The following ZBTB20 variants were observed in gnomAD, a reference collection of about 807,000 sequenced individuals.
ZBTB20 encodes the protein zinc finger and BTB domain-containing protein 20.
ZBTB20 carries 9 observed loss-of-function variants against 56.9 expected under a neutral mutation model. The ratio of observed to expected loss-of-function variants is 0.16; its 90% CI spans 0.10 to 0.28. The LOEUF (loss-of-function observed/expected upper bound fraction) is 0.28. Ranked by LOEUF, ZBTB20 falls within the 10% of genes least tolerant of loss-of-function variation. The pLI is 1.00. For missense variants in ZBTB20, 655 were observed against 1,003.0 expected, an observed-to-expected ratio of 0.65 and a Z score of 4.69; for synonymous variants, 417 against 420.7, an observed-to-expected ratio of 0.99 and a Z score of 0.11.
intron 6 of ZBTB20, among the ~76,000 whole-genome samples, chr3:114,532,867 A>C (rs747790986): frequency 9.9e-5 from 15 of 152,208 alleles, no homozygotes; most frequent in Non-Finnish European, 2.1e-4. Context: ...GTGGATGTCC[A>C]GCAAACTCCA....
intron 4 of ZBTB20, among the ~76,000 whole-genome samples, chr3:114,829,992 T>C (rs2073758480): frequency 6.6e-6 from 1 of 151,952 alleles, no homozygotes; most frequent in Admixed American, 6.6e-5. Context: ...TGATCCTCGA[T>C]ACAGTCTAGG....
intron 3 of ZBTB20, among the ~76,000 whole-genome samples, chr3:114,963,603 TA>T (rs1280558553): frequency 6.6e-6 from 1 of 152,208 alleles, no homozygotes; most frequent in Admixed American, 6.5e-5. Flanking sequence ...CTATACATAT[TA>T]AAAAATGTTT....
At chr3:114,742,092 T>C (rs779920214) in intron 5 of ZBTB20, among the ~76,000 whole-genome samples, 16 of 152,228 alleles carry the variant, frequency 1.1e-4, no homozygotes, top group Middle Eastern at 3.4e-3. Context: ...TTTTTAGACA[T>C]GTTTACAAAA....
intron 7 of ZBTB20, among the ~76,000 whole-genome samples, chr3:114,435,268 A>G (rs758106925): frequency 6.6e-6 from 1 of 152,142 alleles, no homozygotes; most frequent in Non-Finnish European, 1.5e-5. Context: ...TAGCAGCAAA[A>G]GGGAGGAAGA....
intron 1 of ZBTB20, among the ~76,000 whole-genome samples, chr3:115,103,339 G>A (rs1442877856): frequency 1.3e-5 from 2 of 152,162 alleles, no homozygotes; most frequent in African/African-American, 4.8e-5. Flanking sequence ...TTGTGGATAT[G>A]AACTAAATGA....
Position 115,041,536 on chromosome 3 carries a change from T to C in ZBTB20, c.-507+29683A>G, listed in dbSNP as rs2081141795. Among the ~76,000 whole-genome samples, 3 of 152,314 alleles carry C rather than the reference T, an allele frequency of 2.0e-5. No individual in the cohort carries two copies. The South Asian group carries it at 6.2e-4, about 32-fold the overall frequency. Reference sequence around the variant, plus strand: ...TCTGTGATAAACAGAGAGCAAATACTGTAAATTGGATTGTATATTCATTAA... The same window carrying C: ...TCTGTGATAAACAGAGAGCAAATACCGTAAATTGGATTGTATATTCATTAA... On this transcript the variant is annotated intron_variant, in intron 2 of 11. Transcript: ENST00000675478.
At chr3:114,976,622 G>A (rs766607891) in intron 2 of ZBTB20, among the ~76,000 whole-genome samples, 29 of 145,334 alleles carry the variant, frequency 2.0e-4, no homozygotes, top group Middle Eastern at 3.4e-3. Context: ...GCAAAACTCC[G>A]CCTCAAAAAA....
chr3:114,761,308 C>T (rs1578750449), intron 5 of ZBTB20, among the ~76,000 whole-genome samples: 1 of 152,080 alleles, frequency 6.6e-6, no homozygotes, highest in African/African-American at 2.4e-5. Context: ...ATGCTAGGGA[C>T]TAATCTAAGG....
At chr3:115,019,294 G>A (rs536248320) in intron 2 of ZBTB20, among the ~76,000 whole-genome samples, 2 of 151,224 alleles carry the variant, frequency 1.3e-5, no homozygotes, top group South Asian at 2.1e-4. Context: ...ATATTCAGGG[G>A]TTGTTTTGAG....
At chr3:114,481,996 G>A (rs1002924238) in intron 7 of ZBTB20, among the ~76,000 whole-genome samples, 1 of 152,234 alleles carries the variant, frequency 6.6e-6, no homozygotes, top group Non-Finnish European at 1.5e-5. Context: ...ACATGGGTCA[G>A]CCACTGTTGT....
intron 5 of ZBTB20, among the ~76,000 whole-genome samples, chr3:114,731,482 T>C (rs1207828816): frequency 6.6e-6 from 1 of 152,230 alleles, no homozygotes; most frequent in East Asian, 1.9e-4. Context: ...TCTGGACTCA[T>C]GTCATCTGCA....
At chr3:114,852,244 T>C (rs2075036192) in intron 4 of ZBTB20, among the ~76,000 whole-genome samples, 1 of 151,718 alleles carries the variant, frequency 6.6e-6, no homozygotes, top group African/African-American at 2.4e-5. Flanking sequence ...TTTTGAACTT[T>C]CATTTTATTT....
intron 4 of ZBTB20, among the ~76,000 whole-genome samples, chr3:114,838,609 T>C (rs2074233062): frequency 6.6e-6 from 1 of 152,116 alleles, no homozygotes; most frequent in Admixed American, 6.5e-5. Flanking sequence ...ATCTAATATG[T>C]AATGGGGTTA....
Position 114,350,868 on chromosome 3 carries a change from C to T in ZBTB20, c.1210G>A (p.Ala404Thr). ...GCCTGCTCGGGTTGGGTGGGTTCAG[C>T]CTGGCTGTCCCGCGCCGCCCCAGGC... ...FGPGAARDSQAEPTQPEQAAE... is the reference protein window; with the variant it reads ...FGPGAARDSQTEPTQPEQAAE... The change falls in exon 11 of 12, where the codon GCT becomes ACT. Residue 404 changes from alanine (A) to threonine (T), a missense_variant. Physicochemically the swap from Ala to Thr is moderately conservative, Grantham distance 58 (BLOSUM62 0). Around this residue, in one of 10 missense-constraint regions of ZBTB20, gnomAD observed 156 missense variants for 181.0 expected, o/e 0.86. Transcript: ENST00000675478. The T allele has an allele frequency of 6.2e-7, 1 of 1,609,656 alleles. No individual in the cohort carries two copies. Among genetic ancestry groups the T allele is most frequent in the Non-Finnish European group, 8.5e-7 (1 of 1,179,974 alleles).
intron 7 of ZBTB20, among the ~76,000 whole-genome samples, chr3:114,464,364 G>T (rs138462239): frequency 6.6e-6 from 1 of 152,052 alleles, no homozygotes; most frequent in Non-Finnish European, 1.5e-5. Context: ...TTTAAAAGGC[G>T]CACTTTACGT....
At chr3:114,461,663 G>GCTC (rs1559821356) in intron 7 of ZBTB20, among the ~76,000 whole-genome samples, 1 of 152,104 alleles carries the variant, frequency 6.6e-6, no homozygotes, top group East Asian at 1.9e-4. Flanking sequence ...TTCAGTTACC[G>GCTC]CTTACATTCT....
chr3:115,031,439 T>C (rs1274226587), intron 2 of ZBTB20, among the ~76,000 whole-genome samples: 1 of 151,470 alleles, frequency 6.6e-6, no homozygotes, highest in Non-Finnish European at 1.5e-5. Flanking sequence ...CGTGCCAAAT[T>C]ACAGAATTCT....
intron 7 of ZBTB20, among the ~76,000 whole-genome samples, chr3:114,408,597 A>G (rs1024563296): frequency 6.6e-6 from 1 of 152,020 alleles, no homozygotes; most frequent in African/African-American, 2.4e-5. Context: ...ACGATTGAAT[A>G]ATTTTCTCAC....
chr3:114,844,520 CAAAAAAAAAAAAAAAAAAA>C (rs71146342), intron 4 of ZBTB20, among the ~76,000 whole-genome samples: 11 of 22,804 alleles, frequency 4.8e-4, no homozygotes, highest in African/African-American at 7.5e-4. Context: ...GTCCCTGTCT[CAAAAAAAAAAAAAAAAAAA>C]AAAAAAAAAA....
Sources: allele counts gnomAD v4.1 joint callset (sites outside exome capture counted in the v4.1 genomes callset), GRCh38; gene constraint gnomAD v4.1.1; regional missense constraint gnomAD v4.1.1; transcripts MANE v1.5; gene names NCBI Gene and HGNC (gene_info 2026-07-23, HGNC 2026-07-21).